The following PTPRA variants were observed in gnomAD, a reference collection of about 807,000 sequenced individuals.
PTPRA encodes the protein protein tyrosine phosphatase receptor type A, also known as receptor-type tyrosine-protein phosphatase alpha.
Under a neutral mutation model 104.8 loss-of-function variants are expected in PTPRA, and 25 were observed. The observed-to-expected ratio is 0.24, with a 90% CI of 0.17 to 0.33. The LOEUF is 0.33. Among genes scored for constraint, PTPRA ranks in the 10% least tolerant of loss-of-function variants. PTPRA has a pLI of 1.00. For synonymous variants in PTPRA, 323 were observed against 368.9 expected (o/e 0.88, Z 1.43); for missense variants, 765 against 1,015.3 (o/e 0.75, Z 3.35).
At chr20:2,869,977 AAT>A (rs201816584), upstream of PTPRA, among the ~76,000 whole-genome samples, 11 of 149,932 alleles carry the variant, frequency 7.3e-5, no homozygotes, top group Admixed American at 6.6e-5. Context: ...CTGTCTTAAA[AAT>A]ATATATATAT....
intron 1 of PTPRA, among the ~76,000 whole-genome samples, chr20:2,916,963 T>C (rs887335881): frequency 1.3e-5 from 2 of 148,594 alleles, no homozygotes; most frequent in Non-Finnish European, 3.0e-5. Context: ...TTATTTCTTT[T>C]TTTTTTTTTT....
chr20:3,018,924 G>A (rs1363633234), intron 13 of PTPRA, among the ~76,000 whole-genome samples: 1 of 129,238 alleles, frequency 7.7e-6, no homozygotes, highest in Non-Finnish European at 1.6e-5. Context: ...CCCAGTAGGG[G>A]CGGCCGGGCA....
At chr20:2,874,053 T>G (rs1390978003) in intron 1 of PTPRA, among the ~76,000 whole-genome samples, 1 of 152,192 alleles carries the variant, frequency 6.6e-6, no homozygotes, top group Admixed American at 6.5e-5. Flanking sequence ...GAGTTGATTC[T>G]CAGAGAAGAA....
rs1257108175 is a variant in PTPRA, at chr20:2,950,622, G to A, written c.-7+2598G>A. ...CGCACCACTGCACTCCAGCCTGGGCGACAGAGCGAGACTCCATCTCAAAAA... is the reference window on the plus strand; with the variant it reads ...CGCACCACTGCACTCCAGCCTGGGCAACAGAGCGAGACTCCATCTCAAAAA... On this transcript the variant is annotated intron_variant, in intron 3 of 23. Coordinates refer to ENST00000399903, the MANE Select transcript of PTPRA (RefSeq NM_001385305.1). The surrounding 1 kb of genome is among the most constrained non-coding windows in gnomAD (Gnocchi z 4.0). 2.6e-5 allele frequency among the ~76,000 whole-genome samples: 4 copies of A among 150,986 alleles called. No individual in the cohort carries two copies. The highest frequency in any genetic ancestry group is 5.9e-5 in the Non-Finnish European group (4 of 67,802).
intron 1 of PTPRA, among the ~76,000 whole-genome samples, chr20:2,877,082 G>A (rs2089767634): frequency 6.6e-6 from 1 of 152,142 alleles, no homozygotes; most frequent in South Asian, 2.1e-4. Flanking sequence ...CTCAGTGTCA[G>A]TTTGTAAACA....
intron 11 of PTPRA, among the ~76,000 whole-genome samples, chr20:3,009,046 A>G (rs1012596273): frequency 3.9e-5 from 6 of 152,164 alleles, no homozygotes; most frequent in Non-Finnish European, 7.3e-5. Flanking sequence ...GTGAAGATAA[A>G]GGAGAGGACA....
At chr20:2,916,465 T>A (rs1449754570) in intron 1 of PTPRA, among the ~76,000 whole-genome samples, 2 of 152,210 alleles carry the variant, frequency 1.3e-5, no homozygotes. Context: ...GTCTTAGCAC[T>A]CTTTCCAAAA....
At chr20:3,016,518 C>T (rs545035214) in intron 12 of PTPRA, among the ~76,000 whole-genome samples, 39 of 152,322 alleles carry the variant, frequency 2.6e-4, no homozygotes, top group African/African-American at 7.9e-4. Context: ...GAGGCCAAGA[C>T]AGGAGGATCG....
At chr20:3,027,389 A>G (rs958701885) in intron 19 of PTPRA, among the ~76,000 whole-genome samples, 192 bp downstream of exon 19, 2 of 144,832 alleles carry the variant, frequency 1.4e-5, no homozygotes, top group African/African-American at 2.8e-5. Flanking sequence ...AGGTGGGGGA[A>G]AACAGATGGC....
chr20:2,928,574 TTTC>T (rs1466722523), intron 2 of PTPRA, among the ~76,000 whole-genome samples: 4 of 152,166 alleles, frequency 2.6e-5, no homozygotes, highest in Non-Finnish European at 5.9e-5. Context: ...GAAATTAATT[TTTC>T]TTCTTTTCTG....
At chr20:2,875,018 C>T (rs1210531021) in intron 1 of PTPRA, among the ~76,000 whole-genome samples, 1 of 152,208 alleles carries the variant, frequency 6.6e-6, no homozygotes, top group East Asian at 1.9e-4. Context: ...TGAGAAGCTT[C>T]TTGCGGGCAG....
At chr20:2,945,582 G>GGTGTGTGTGT (rs3842441) in intron 2 of PTPRA, among the ~76,000 whole-genome samples, 2 of 148,152 alleles carry the variant, frequency 1.3e-5, no homozygotes, top group Non-Finnish European at 1.5e-5. Flanking sequence ...ATAATTGGCA[G>GGTGTGTGTGT]GTGTGTGTGT....
intron 2 of PTPRA, among the ~76,000 whole-genome samples, chr20:2,923,934 T>A (rs2060194291): frequency 1.3e-5 from 2 of 152,336 alleles, no homozygotes; most frequent in South Asian, 4.1e-4. Context: ...GAAAACTCTT[T>A]GGCAATATCT....
At chr20:2,865,051 C>A in the PTPRA span, 4 of 1,614,060 alleles carry the variant, frequency 2.5e-6, no homozygotes, top group African/African-American at 5.3e-5. This position sits in a 1 kb window ranked among gnomAD's most constrained non-coding sequence, Gnocchi z 5.2. Context: ...GAGTTTGCAG[C>A]CAAGGTTTGG....
intron 2 of PTPRA, among the ~76,000 whole-genome samples, chr20:2,937,572 G>A (rs1255386618): frequency 6.6e-6 from 1 of 152,072 alleles, no homozygotes; most frequent in East Asian, 1.9e-4. Context: ...GTATGTATGT[G>A]TGTCTGTATA....
chr20:2,934,109 T>A (rs1223899407), intron 2 of PTPRA, among the ~76,000 whole-genome samples: 1 of 152,170 alleles, frequency 6.6e-6, no homozygotes, highest in Admixed American at 6.5e-5. Flanking sequence ...CTAAATAATC[T>A]ATGAAAATTT....
rs769720940 is a variant in PTPRA at position 2,988,420 on chromosome 20, G to A, written c.684G>A (p.Glu228=). 5 of 1,613,006 alleles carry A rather than the reference G, an allele frequency of 3.1e-6. No individual in the cohort carries two copies. The African/African-American group carries it at 6.7e-5, about 22-fold the overall frequency. Residue 228 remains glutamate (E), a synonymous_variant, in exon 9 of 24, where the codon GAG becomes GAA. Transcript: ENST00000399903. Reference sequence around the variant, plus strand: ...CCCTGCCCGTGGACAAGCTGGAAGAGGAAATTAACCGGAGAATGGCAGACG... The same window carrying A: ...CCCTGCCCGTGGACAAGCTGGAAGAAGAAATTAACCGGAGAATGGCAGACG... ...YPPLPVDKLE[E]EINRRMADDN... is the part of the protein sequence containing the mutation.
intron 11 of PTPRA, among the ~76,000 whole-genome samples, chr20:3,014,979 TG>T (rs2064364000): frequency 6.6e-6 from 1 of 152,226 alleles, no homozygotes. Context: ...ATCTGTTGAG[TG>T]GCACCCCAGG....
intron 1 of PTPRA, among the ~76,000 whole-genome samples, chr20:2,899,883 G>C (rs2147093322): frequency 6.6e-6 from 1 of 152,234 alleles, no homozygotes; most frequent in South Asian, 2.1e-4. Flanking sequence ...AAGGCAGGTA[G>C]ATCACTTAAG....
Sources: allele counts gnomAD v4.1 joint callset (sites outside exome capture counted in the v4.1 genomes callset), GRCh38; gene constraint gnomAD v4.1.1; non-coding constraint Gnocchi (gnomAD v3.1); transcripts MANE v1.5; gene names NCBI Gene and HGNC (gene_info 2026-07-23, HGNC 2026-07-21).